PTPRT: variants seen among roughly 807,000 people sequenced by gnomAD.
PTPRT encodes receptor-type tyrosine-protein phosphatase T.
In PTPRT, 56 loss-of-function variants were observed where a neutral mutation model predicts 176.8. The ratio of observed to expected loss-of-function variants is 0.32; its 90% CI spans 0.26 to 0.40. PTPRT has a LOEUF of 0.40. Among genes scored for constraint, PTPRT ranks in the 10% least tolerant of loss-of-function variants. The probability of loss-of-function intolerance (pLI) is 1.00; values close to 1 mark genes in which losing one functional copy is unlikely to be tolerated. For synonymous variants in PTPRT, 783 were observed against 739.0 expected (o/e 1.06, Z -0.96); for missense variants, 1,540 against 1,908.2 (o/e 0.81, Z 3.60).
At chr20:42,644,665 G>A (rs913577944) in intron 7 of PTPRT, among the ~76,000 whole-genome samples, 2 of 152,106 alleles carry the variant, frequency 1.3e-5, no homozygotes, top group Non-Finnish European at 2.9e-5. Flanking sequence ...CAGCAAAGTG[G>A]TCTTCAGTGT....
intron 1 of PTPRT, among the ~76,000 whole-genome samples, chr20:42,972,762 G>C (rs1419843915): frequency 1.3e-5 from 2 of 150,990 alleles, no homozygotes; most frequent in Non-Finnish European, 2.9e-5. Flanking sequence ...GTTTTAAGCA[G>C]GGAGGTCCAT....
At chr20:42,605,933 C>T (rs1041881185) in intron 7 of PTPRT, among the ~76,000 whole-genome samples, 11 of 152,198 alleles carry the variant, frequency 7.2e-5, no homozygotes, top group African/African-American at 2.4e-4. Context: ...TGGCCACGAT[C>T]CTTCATGAGC....
At chr20:42,496,663 C>A (rs1450669622) in intron 7 of PTPRT, among the ~76,000 whole-genome samples, 1 of 150,378 alleles carries the variant, frequency 6.6e-6, no homozygotes, top group East Asian at 1.9e-4. Context: ...TTGCCATATC[C>A]ACAATCTCTT....
chr20:43,188,853 G>A (rs1038187781), intron 1 of PTPRT, among the ~76,000 whole-genome samples: 4 of 6,206 alleles, frequency 6.4e-4, no homozygotes, highest in Non-Finnish European at 1.3e-3. Flanking sequence ...GTGCCTTTAG[G>A]AGCACGGCAG....
intron 6 of PTPRT, among the ~76,000 whole-genome samples, chr20:42,696,043 G>A (rs958312099): frequency 6.6e-6 from 1 of 152,056 alleles, no homozygotes; most frequent in Non-Finnish European, 1.5e-5. Context: ...AAAGCGATGT[G>A]ATAATATTTC....
chr20:43,108,211 T>C (rs6030655), intron 1 of PTPRT, among the ~76,000 whole-genome samples: 18,158 of 152,164 alleles, frequency 0.12, 1,258 homozygotes, highest in African/African-American at 0.19. Context: ...GCATCTTCTG[T>C]TTTCCACCTC....
chr20:42,995,815 C>T (rs1285879345), intron 1 of PTPRT, among the ~76,000 whole-genome samples: 2 of 151,988 alleles, frequency 1.3e-5, no homozygotes, highest in Non-Finnish European at 2.9e-5. Flanking sequence ...CATTCCATTG[C>T]TACCTCCTTT....
chr20:42,094,765 C>T (rs1985022915), intron 27 of PTPRT, among the ~76,000 whole-genome samples: 1 of 152,138 alleles, frequency 6.6e-6, no homozygotes, highest in Non-Finnish European at 1.5e-5. Flanking sequence ...TGGCTCACCC[C>T]TGTAATCCCA....
intron 9 of PTPRT, among the ~76,000 whole-genome samples, chr20:42,374,710 TTTATA>T (rs1427960765): frequency 6.6e-6 from 1 of 152,150 alleles, no homozygotes; most frequent in African/African-American, 2.4e-5. Flanking sequence ...TACTTGCAAG[TTTATA>T]TTAGATATCT....
At chr20:42,777,032 T>TG (rs895189862) in intron 4 of PTPRT, among the ~76,000 whole-genome samples, 2 of 152,122 alleles carry the variant, frequency 1.3e-5, no homozygotes, top group African/African-American at 4.8e-5. Flanking sequence ...AAATACTTGT[T>TG]GGATGATGAA....
intron 7 of PTPRT, among the ~76,000 whole-genome samples, chr20:42,498,847 C>T (rs780045775): frequency 1.3e-5 from 2 of 152,108 alleles, no homozygotes; most frequent in Non-Finnish European, 2.9e-5. Flanking sequence ...CACACTCTAC[C>T]CGGCTTTGAG....
intron 1 of PTPRT, among the ~76,000 whole-genome samples, chr20:43,172,423 G>A (rs1259515304): frequency 6.6e-6 from 1 of 152,178 alleles, no homozygotes; most frequent in Non-Finnish European, 1.5e-5. Context: ...CAGCTTGTGG[G>A]CCTGGGATGA....
chr20:42,814,372 ATAAG>A (rs1285815190), intron 2 of PTPRT, among the ~76,000 whole-genome samples: 1 of 152,208 alleles, frequency 6.6e-6, no homozygotes, highest in Non-Finnish European at 1.5e-5. Context: ...CACACTTTCC[ATAAG>A]TAAGTTGGGA....
chr20:42,691,119 A>G (rs1484118946), intron 6 of PTPRT, among the ~76,000 whole-genome samples: 1 of 152,226 alleles, frequency 6.6e-6, no homozygotes, highest in African/African-American at 2.4e-5. Context: ...GATAAAATCA[A>G]TGTCAGCTTT....
chr20:43,114,964 A>G (rs16987777), intron 1 of PTPRT, among the ~76,000 whole-genome samples: 40,446 of 152,080 alleles, frequency 0.27, 5,429 homozygotes, highest in African/African-American at 0.27. Flanking sequence ...AGTATTAATA[A>G]TAACAGTAAT....
At chr20:42,197,215 T>C (rs1991257678) in intron 16 of PTPRT, among the ~76,000 whole-genome samples, 1 of 151,376 alleles carries the variant, frequency 6.6e-6, no homozygotes, top group East Asian at 1.9e-4. Context: ...CCGTCTCGAC[T>C]AAAAATACAA....
chr20:42,401,253 C>T (rs1600960958), intron 9 of PTPRT, among the ~76,000 whole-genome samples: 1 of 152,044 alleles, frequency 6.6e-6, no homozygotes, highest in East Asian at 1.9e-4. Context: ...CTGATTTATC[C>T]CCCTTTTCCC....
chr20:42,387,523 C>T (rs1242034471), intron 9 of PTPRT, among the ~76,000 whole-genome samples: 6 of 151,698 alleles, frequency 4.0e-5, no homozygotes, highest in Non-Finnish European at 5.9e-5. Context: ...TTGTTGTCGT[C>T]GTCATTTGTT....
At chr20:42,548,869 A>G (rs2072720343) in intron 7 of PTPRT, among the ~76,000 whole-genome samples, 3 of 152,146 alleles carry the variant, frequency 2.0e-5, no homozygotes, top group Admixed American at 2.0e-4. Context: ...TGATGCTCCA[A>G]CTCATTAGTT....
Sources: gnomAD v4.1 joint callset for allele counts (sites outside exome capture counted in the v4.1 genomes callset) on GRCh38, gnomAD v4.1.1 for gene constraint, MANE v1.5 for transcripts, NCBI Gene and HGNC (gene_info 2026-07-23, HGNC 2026-07-21) for gene names.